Variants in IMPG1 observed in about 807,000 individuals in gnomAD.
IMPG1 encodes interphotoreceptor matrix proteoglycan of 150 kDa.
In IMPG1, 85 loss-of-function variants were observed where a neutral mutation model predicts 92.0. The ratio of observed to expected loss-of-function variants is 0.92; its 90% confidence interval spans 0.78 to 1.11. IMPG1 has a LOEUF of 1.11. Among genes scored for constraint, IMPG1 ranks in the 50% least tolerant of loss-of-function variants. The pLI is 0.00. For missense variants in IMPG1, 1,022 were observed against 956.0 expected, an observed-to-expected ratio of 1.07 and a Z score of -0.91; for synonymous variants, 367 against 334.1, an observed-to-expected ratio of 1.10 and a Z score of -1.08.
chr6:76,004,895 T>C (rs1020605549), intron 10 of IMPG1, among the ~76,000 whole-genome samples: 5 of 152,204 alleles, frequency 3.3e-5, no homozygotes, highest in Non-Finnish European at 7.3e-5. Flanking sequence ...TATTAAACTC[T>C]CCTCAAATTA....
intron 12 of IMPG1, among the ~76,000 whole-genome samples, chr6:75,984,947 A>G (rs1235102396): frequency 6.6e-6 from 1 of 152,178 alleles, no homozygotes; most frequent in Non-Finnish European, 1.5e-5. Flanking sequence ...AGCCAAGCCA[A>G]TGTTGGTGCC....
intron 15 of IMPG1, among the ~76,000 whole-genome samples, chr6:75,929,573 T>G (rs958788404): frequency 7.2e-6 from 1 of 139,752 alleles, no homozygotes; most frequent in Non-Finnish European, 1.6e-5. Context: ...GGGGGAGGGA[T>G]AGCATTAGGA....
intron 12 of IMPG1, among the ~76,000 whole-genome samples, chr6:75,964,675 CAAAAAA>C (rs75154439): frequency 2.4e-5 from 2 of 81,792 alleles, no homozygotes; most frequent in Middle Eastern, 6.0e-3. Flanking sequence ...AGACTAGTCT[CAAAAAA>C]AAAAAAAAAA....
chr6:76,055,897 C>T (rs1784113181), intron 1 of IMPG1, among the ~76,000 whole-genome samples: 1 of 151,902 alleles, frequency 6.6e-6, no homozygotes, highest in African/African-American at 2.4e-5. Flanking sequence ...ATTATCATAA[C>T]CTTAAAAAAT....
At chr6:76,047,953 G>T (rs543383895) in intron 1 of IMPG1, among the ~76,000 whole-genome samples, 3 of 152,270 alleles carry the variant, frequency 2.0e-5, no homozygotes, top group South Asian at 2.1e-4. Flanking sequence ...GACCAGAAAA[G>T]AGATGGTTTA....
At chr6:75,992,958 GTAAAGT>G (rs1302033826) in intron 12 of IMPG1, among the ~76,000 whole-genome samples, 13 of 152,122 alleles carry the variant, frequency 8.5e-5, no homozygotes, top group African/African-American at 1.2e-4. Flanking sequence ...TTTAGTCTAT[GTAAAGT>G]TAAAGTAGTA....
chr6:76,052,019 A>G lies in IMPG1; in HGVS notation c.68-9893T>C, dbSNP rs183177940. On this transcript the variant is annotated intron_variant, in intron 1 of 16. Coordinates refer to ENST00000369950, the MANE Select transcript of IMPG1 (RefSeq NM_001563.4). ...AGAAAGAAAAGGAAGAACTAAATCTATTGGTGGCATGCTGAGTTACAAACA... is the reference window on the plus strand; with the variant it reads ...AGAAAGAAAAGGAAGAACTAAATCTGTTGGTGGCATGCTGAGTTACAAACA... Among the ~76,000 whole-genome samples, 105 of 152,152 alleles carry G rather than the reference A, an allele frequency of 6.9e-4. 2 individuals carry two copies. In the South Asian group the frequency reaches 0.011, roughly 16 times the overall value.
Position 76,003,957 on chromosome 6 carries a change from G to C in IMPG1, c.1136-7C>G. On this transcript the variant is annotated splice_polypyrimidine_tract_variant and splice_region_variant and intron_variant, in intron 10 of 16. Coordinates refer to ENST00000369950, the MANE Select transcript of IMPG1 (RefSeq NM_001563.4). Reference sequence around the variant, plus strand: ...GGCAGTGATCCAGCAATTTCTATGGGTAAAAAATCACAAGATTTGAATGTA... The same window carrying C: ...GGCAGTGATCCAGCAATTTCTATGGCTAAAAAATCACAAGATTTGAATGTA... 4 of 1,605,646 alleles carry C rather than the reference G, an allele frequency of 2.5e-6. No individual in the cohort carries two copies. In the South Asian group the frequency reaches 4.4e-5, roughly 18 times the overall value.
intron 13 of IMPG1, among the ~76,000 whole-genome samples, chr6:75,950,108 T>A (rs1035477962): frequency 2.6e-5 from 4 of 152,180 alleles, no homozygotes; most frequent in African/African-American, 9.7e-5. Flanking sequence ...TTTTTAGGTT[T>A]ACAAGAACTT....
At chr6:75,989,568 T>A (rs1327178002) in intron 12 of IMPG1, among the ~76,000 whole-genome samples, 1 of 152,178 alleles carries the variant, frequency 6.6e-6, no homozygotes, top group Admixed American at 6.5e-5. Flanking sequence ...CTTGGCCGGG[T>A]ATGGTGGCTC....
chr6:76,033,811 CTTTAT>C (rs933807207), intron 4 of IMPG1, among the ~76,000 whole-genome samples: 3 of 152,186 alleles, frequency 2.0e-5, no homozygotes, highest in African/African-American at 4.8e-5. Flanking sequence ...TTCCTTTTCT[CTTTAT>C]TTTGTTTTTT....
chr6:75,957,259 T>C (rs1188057123), intron 12 of IMPG1, among the ~76,000 whole-genome samples: 3 of 152,164 alleles, frequency 2.0e-5, no homozygotes, highest in South Asian at 2.1e-4. Flanking sequence ...GTTGATTGCA[T>C]TGTGGTCTGA....
At chr6:76,047,127 T>A (rs181232725) in intron 1 of IMPG1, among the ~76,000 whole-genome samples, 1 of 152,276 alleles carries the variant, frequency 6.6e-6, no homozygotes, top group Admixed American at 6.5e-5. Flanking sequence ...GCCCTACCAC[T>A]CTTCTTTTCT....
chr6:76,007,538 G>T (rs60585614), intron 8 of IMPG1, 38 bp from the exon 9 acceptor site: 2 of 1,474,572 alleles, frequency 1.4e-6, no homozygotes, highest in Non-Finnish European at 1.9e-6. Flanking sequence ...ATGAAAAAGA[G>T]AAAAAAATTT....
intron 7 of IMPG1, 148 bp downstream of exon 7, chr6:76,018,570 G>A (rs1783337304): frequency 1.6e-6 from 1 of 626,860 alleles, no homozygotes; most frequent in Non-Finnish European, 2.6e-6. Context: ...AACATGTTAG[G>A]GCCCATTGTA....
chr6:76,058,196 G>A (rs1784151524), intron 1 of IMPG1, among the ~76,000 whole-genome samples: 1 of 152,112 alleles, frequency 6.6e-6, no homozygotes, highest in Non-Finnish European at 1.5e-5. Flanking sequence ...TGGAGTTAAA[G>A]TCATAGGTAG....
intron 12 of IMPG1, among the ~76,000 whole-genome samples, chr6:75,979,397 G>A (rs1056220990): frequency 1.3e-5 from 2 of 152,206 alleles, no homozygotes; most frequent in African/African-American, 4.8e-5. Context: ...TGAAGTGGCA[G>A]TGCTGAACCT....
At chr6:75,952,383 C>T (rs1016288655) in intron 12 of IMPG1, among the ~76,000 whole-genome samples, 7 of 152,072 alleles carry the variant, frequency 4.6e-5, no homozygotes, top group South Asian at 2.1e-4. Flanking sequence ...TTACTAAAAC[C>T]GAAACTCCAA....
Position 75,950,713 on chromosome 6 carries a change from T to A in IMPG1, c.1673A>T (p.Tyr558Phe). 1 of 1,613,990 alleles carries A rather than the reference T, an allele frequency of 6.2e-7. No individual in the cohort carries two copies. The highest frequency in any genetic ancestry group is 2.2e-5 in the East Asian group (1 of 44,882). ...EDTTPVSALQ[Y>F]ITTSSMTIAP... ...AATGGTCATAGAACTAGTGGTGATA[T>A]ACTGTAAAGCTGAGACAGGAGTGGT... Residue 558 changes from tyrosine (Y) to phenylalanine (F), a missense_variant, in exon 13 of 17, where the codon TAT (tyrosine) becomes TTT (phenylalanine). Around this residue, in one of 3 missense-constraint regions of IMPG1, gnomAD observed 332 missense variants for 346.2 expected, o/e 0.96. Coordinates refer to ENST00000369950, the MANE Select transcript of IMPG1 (RefSeq NM_001563.4).
Sources: allele counts gnomAD v4.1 joint callset (sites outside exome capture counted in the v4.1 genomes callset), GRCh38; gene constraint gnomAD v4.1.1; regional missense constraint gnomAD v4.1.1; transcripts MANE v1.5; gene names NCBI Gene and HGNC (gene_info 2026-07-23, HGNC 2026-07-21).